Variants in ROBO2 observed in about 807,000 individuals in gnomAD.
ROBO2 encodes the protein roundabout homolog 2.
ROBO2 carries 53 observed loss-of-function variants against 160.8 expected under a neutral mutation model. The ratio of observed to expected loss-of-function variants is 0.33; its 90% CI spans 0.26 to 0.41. The LOEUF (loss-of-function observed/expected upper bound fraction) is 0.41. Ranked by LOEUF, ROBO2 falls within the 10% of genes least tolerant of loss-of-function variation. ROBO2 has a pLI of 1.00. For missense variants in ROBO2, 1,577 were observed against 1,722.4 expected, an observed-to-expected ratio of 0.92 and a Z score of 1.49; for synonymous variants, 664 against 611.7, an observed-to-expected ratio of 1.09 and a Z score of -1.26.
At chr3:76,217,017 C>T (rs1238749136) in intron 2 of ROBO2, among the ~76,000 whole-genome samples, 21 of 152,070 alleles carry the variant, frequency 1.4e-4, no homozygotes, top group Admixed American at 2.6e-4. Flanking sequence ...CACTCAAAAC[C>T]GCTCAACTAC....
chr3:76,131,812 G>A (rs1399405190), intron 2 of ROBO2, among the ~76,000 whole-genome samples: 2 of 152,134 alleles, frequency 1.3e-5, no homozygotes, highest in African/African-American at 4.8e-5. Flanking sequence ...TTCCCAATGT[G>A]TGGATTATAA....
At chr3:76,900,595 G>C (rs900691818) in intron 2 of ROBO2, among the ~76,000 whole-genome samples, 1 of 152,190 alleles carries the variant, frequency 6.6e-6, no homozygotes, top group African/African-American at 2.4e-5. Flanking sequence ...TCCCATAAGG[G>C]AAGCAGCCTG....
intron 2 of ROBO2, among the ~76,000 whole-genome samples, chr3:75,981,030 A>G (rs1266044537): frequency 6.6e-6 from 1 of 151,580 alleles, no homozygotes; most frequent in Non-Finnish European, 1.5e-5. Context: ...TTTATATAAT[A>G]ACATTACAAC....
Position 77,503,548 on chromosome 3 carries a change from T to A in ROBO2, c.806+10166T>A, listed in dbSNP as rs940204819. On this transcript the variant is annotated intron_variant, in intron 5 of 25. Coordinates refer to ENST00000461745, the Ensembl canonical transcript of ROBO2. ...CTAAATAAATAAATAAATAAATAAA[T>A]AAATAAATAAATAAAATAATAATAA... Among the ~76,000 whole-genome samples the A allele has an allele frequency of 4.7e-5, 7 of 148,816 alleles. No individual in the cohort carries two copies. In the East Asian group the frequency reaches 1.2e-3, roughly 25 times the overall value.
chr3:76,573,777 G>T (rs899082296), intron 2 of ROBO2, among the ~76,000 whole-genome samples: 1 of 152,014 alleles, frequency 6.6e-6, no homozygotes, highest in South Asian at 2.1e-4. Context: ...GAAGCATTTG[G>T]TGGCCTCATT....
intron 2 of ROBO2, among the ~76,000 whole-genome samples, chr3:76,574,799 T>C (rs1447321063): frequency 1.3e-5 from 2 of 152,116 alleles, no homozygotes; most frequent in Non-Finnish European, 1.5e-5. Context: ...TTAATATCTC[T>C]AGACTGAGCC....
intron 4 of ROBO2, among the ~76,000 whole-genome samples, chr3:77,482,053 A>G (rs751462124): frequency 6.6e-6 from 1 of 152,188 alleles, no homozygotes; most frequent in Non-Finnish European, 1.5e-5. Context: ...CTCTGTATAG[A>G]CATACACATT....
chr3:77,574,356 C>T (rs922630162), intron 13 of ROBO2, 143 bp from the exon 15 acceptor site: 10 of 711,190 alleles, frequency 1.4e-5, no homozygotes, highest in Non-Finnish European at 2.5e-5. Flanking sequence ...TTATTAGAAG[C>T]AGAGAGATTA....
At position 77,408,710 on chromosome 3, in the gene ROBO2, AT is replaced by A. The variant is rs1306931362; in HGVS notation, c.389-68701del. Among the ~76,000 whole-genome samples the A allele has an allele frequency of 3.0e-4, 45 of 151,652 alleles. 2 individuals are homozygous for A. In the East Asian group the frequency reaches 8.7e-3, roughly 29 times the overall value. On this transcript the variant is annotated intron_variant, in intron 2 of 25. Transcript: ENST00000461745. ...TTGACTTCTTCTGTTCCATCTTTTT[AT>A]TTATTTGTCTGTTTTATTATTTTTT...
At chr3:76,329,734 C>T (rs1417396302) in intron 2 of ROBO2, among the ~76,000 whole-genome samples, 3 of 152,178 alleles carry the variant, frequency 2.0e-5, no homozygotes, top group Admixed American at 6.5e-5. Flanking sequence ...AAATAATAGA[C>T]ATTTTTAACA....
At chr3:77,405,118 A>T (rs2076154692) in intron 2 of ROBO2, among the ~76,000 whole-genome samples, 1 of 152,198 alleles carries the variant, frequency 6.6e-6, no homozygotes, top group South Asian at 2.1e-4. Flanking sequence ...TTTTTAACAC[A>T]TCATGAACTT....
At chr3:77,600,196 C>T (rs958142587) in intron 19 of ROBO2, among the ~76,000 whole-genome samples, 1 of 152,166 alleles carries the variant, frequency 6.6e-6, no homozygotes, top group African/African-American at 2.4e-5. Flanking sequence ...GGGAGGAAGG[C>T]TAGCCCAGAG....
chr3:76,005,462 G>T (rs1356483365), intron 2 of ROBO2, among the ~76,000 whole-genome samples: 1 of 152,152 alleles, frequency 6.6e-6, no homozygotes, highest in Non-Finnish European at 1.5e-5. Context: ...TAATGGAGGG[G>T]CTTAAGGTAT....
At chr3:76,427,912 A>T (rs2076284809) in intron 2 of ROBO2, among the ~76,000 whole-genome samples, 1 of 152,176 alleles carries the variant, frequency 6.6e-6, no homozygotes, top group South Asian at 2.1e-4. Context: ...AGTTTTAGAC[A>T]CTGCAAACCC....
intron 2 of ROBO2, among the ~76,000 whole-genome samples, chr3:76,489,973 A>G (rs1212590755): frequency 6.6e-6 from 1 of 152,208 alleles, no homozygotes; most frequent in African/African-American, 2.4e-5. Context: ...TTTCAAAAAT[A>G]AAACAAAAGT....
intron 2 of ROBO2, among the ~76,000 whole-genome samples, chr3:77,282,959 T>TAA (rs369332218): frequency 0.019 from 2,845 of 148,806 alleles, 35 homozygotes; most frequent in Non-Finnish European, 0.03. Flanking sequence ...GCTTCTGCTT[T>TAA]TAAAAAAAAA....
At chr3:76,975,603 T>G (rs576122363) in intron 2 of ROBO2, among the ~76,000 whole-genome samples, 1 of 152,146 alleles carries the variant, frequency 6.6e-6, no homozygotes, top group South Asian at 2.1e-4. Context: ...TTAAAGTTGC[T>G]TCCTCTGTTT....
intron 2 of ROBO2, among the ~76,000 whole-genome samples, chr3:77,025,088 C>CT (rs1239055027): frequency 6.6e-6 from 1 of 152,072 alleles, no homozygotes; most frequent in Non-Finnish European, 1.5e-5. Flanking sequence ...TAGCTCCTCC[C>CT]TTTAAAATAT....
intron 2 of ROBO2, among the ~76,000 whole-genome samples, chr3:76,931,403 A>G (rs761698635): frequency 2.6e-5 from 4 of 152,310 alleles, no homozygotes; most frequent in African/African-American, 2.4e-5. Flanking sequence ...CATTGGAGAC[A>G]CATTTTCTGT....
Sources: allele counts gnomAD v4.1 joint callset (sites outside exome capture counted in the v4.1 genomes callset), GRCh38; gene constraint gnomAD v4.1.1; transcripts MANE v1.5; gene names NCBI Gene and HGNC (gene_info 2026-07-23, HGNC 2026-07-21).